DGCR2: variants seen among roughly 807,000 people sequenced by gnomAD.
DGCR2 encodes integral membrane protein DGCR2/IDD.
DGCR2 carries 24 observed loss-of-function variants against 51.6 expected under a neutral mutation model. The observed-to-expected ratio is 0.47, with a 90% CI of 0.34 to 0.65. DGCR2 has a LOEUF of 0.65. Among genes scored for constraint, DGCR2 ranks in the 30% least tolerant of loss-of-function variants. The probability of loss-of-function intolerance (pLI) is 0.01; values close to 1 mark genes in which losing one functional copy is unlikely to be tolerated. For synonymous variants in DGCR2, 340 were observed against 315.4 expected (o/e 1.08, Z -0.82); for missense variants, 765 against 772.1 (o/e 0.99, Z 0.11).
At chr22:19,043,158 A>G (rs1408479278) in intron 7 of DGCR2, among the ~76,000 whole-genome samples, 1 of 152,232 alleles carries the variant, frequency 6.6e-6, no homozygotes, top group Non-Finnish European at 1.5e-5. Flanking sequence ...CACTGAGTCT[A>G]AGCTGCTGCG....
chr22:19,115,487 G>A (rs1239070346), intron 1 of DGCR2, among the ~76,000 whole-genome samples: 1 of 152,186 alleles, frequency 6.6e-6, no homozygotes, highest in East Asian at 1.9e-4. Context: ...TCCTCCCAAG[G>A]CATTTTTGCA....
rs753261437 is a variant in DGCR2, at chr22:19,041,913, G to A, written c.1053C>T (p.Val351=). The change falls in exon 8 of 10, where the codon GTC becomes GTT. Residue 351 remains valine (V), a synonymous_variant. Coordinates refer to ENST00000263196, the MANE Select transcript of DGCR2 (RefSeq NM_005137.3). The part of the protein sequence containing the change: ...FDSMASGMRL[V]VSCISSFLIL... ...TGAGGAAGGAGGAGATGCAGCTGAC[G>A]ACCAGGCGCATCCCGCTGGCCATGG... 3.7e-6 allele frequency: 6 copies of A among 1,613,506 alleles called. No homozygotes were observed. The highest frequency in any genetic ancestry group is 2.7e-5 in the African/African-American group (2 of 74,920).
intron 6 of DGCR2, among the ~76,000 whole-genome samples, chr22:19,051,188 CAAAAAAAAA>C (rs61277487): frequency 7.3e-5 from 4 of 54,850 alleles, no homozygotes; most frequent in African/African-American, 1.1e-4. Context: ...AATTCTGTCA[CAAAAAAAAA>C]AAAAAAAAAA....
At chr22:19,100,732 C>T (rs1041731179) in intron 1 of DGCR2, among the ~76,000 whole-genome samples, 3 of 151,294 alleles carry the variant, frequency 2.0e-5, no homozygotes, top group African/African-American at 7.3e-5. Context: ...CCTTAATACA[C>T]TTAAAATTAT....
chr22:19,109,992 C>CT lies in DGCR2; in HGVS notation c.79+12135dup, dbSNP rs147998075. ...CAGTTCTGCCCAGTTCCTCCCTTGTCTAACAGAGTGGGTCCAAACTTTAGT... is the reference window on the plus strand; with the variant it reads ...CAGTTCTGCCCAGTTCCTCCCTTGTCTTAACAGAGTGGGTCCAAACTTTAGT... On this transcript the variant is annotated intron_variant, in intron 1 of 9. Coordinates refer to ENST00000263196, the MANE Select transcript of DGCR2 (RefSeq NM_005137.3). 1.2e-3 allele frequency among the ~76,000 whole-genome samples: 189 copies of CT among 152,366 alleles called. 1 individual carries two copies. Among genetic ancestry groups the CT allele is most frequent in the African/African-American group, 4.5e-3 (187 of 41,588 alleles).
chr22:19,079,173 A>G (rs1399125259), intron 2 of DGCR2, among the ~76,000 whole-genome samples: 6 of 152,228 alleles, frequency 3.9e-5, no homozygotes, highest in African/African-American at 1.4e-4. Context: ...TTGAACTCCC[A>G]AAGCACTGAG....
chr22:19,041,377 G>T, intron 8 of DGCR2, 83 bp from the exon 9 acceptor site: 1 of 1,407,848 alleles, frequency 7.1e-7, no homozygotes. Flanking sequence ...CCACCCCCAG[G>T]CTGGGCCTGC....
intron 2 of DGCR2, among the ~76,000 whole-genome samples, chr22:19,072,898 T>TA (rs1226272780): frequency 1.3e-5 from 2 of 151,734 alleles, no homozygotes; most frequent in Non-Finnish European, 2.9e-5. Flanking sequence ...AAATTTTTTT[T>TA]TAAAAAAAAG....
At chr22:19,069,597 C>T (rs1229418909) in intron 2 of DGCR2, among the ~76,000 whole-genome samples, 1 of 152,186 alleles carries the variant, frequency 6.6e-6, no homozygotes, top group Non-Finnish European at 1.5e-5. Context: ...AGACTATAAA[C>T]AGCTTTCTAT....
chr22:19,062,538 A>T (rs2082676153), intron 5 of DGCR2, among the ~76,000 whole-genome samples: 2 of 152,176 alleles, frequency 1.3e-5, no homozygotes, highest in South Asian at 2.1e-4. Context: ...CACAAAGTAC[A>T]GCCCAACAGA....
chr22:19,037,872 GAT>G lies in DGCR2; in HGVS notation c.*991_*992del, dbSNP rs2082388126. ...GGCACTGAGCTGCAGTAGTGGCGGT[GAT>G]GTAAGGAGTGGACTTTAAGGAGATA... On this transcript the variant is annotated 3_prime_UTR_variant, in exon 10 of 10. Coordinates refer to ENST00000263196, the MANE Select transcript of DGCR2 (RefSeq NM_005137.3). 6.6e-6 allele frequency: 1 copy of G among 152,668 alleles called. No homozygotes were observed. Among genetic ancestry groups the G allele is most frequent in the African/African-American group, 2.4e-5 (1 of 41,456 alleles). The allele number at this position is 152,668 out of a possible 1,614,324, so 9.5% of individuals were successfully genotyped here.
chr22:19,086,403 C>T (rs759204770), intron 2 of DGCR2, among the ~76,000 whole-genome samples: 3 of 152,002 alleles, frequency 2.0e-5, no homozygotes, highest in Admixed American at 6.5e-5. Flanking sequence ...GGCATGAACC[C>T]GGGAGGCAGA....
chr22:19,037,696 C>T lies in DGCR2; in HGVS notation c.*1169G>A, dbSNP rs1368767934. The T allele has an allele frequency of 6.6e-6, 1 of 152,298 alleles. No individual in the cohort carries two copies. The highest frequency in any genetic ancestry group is 1.5e-5 in the Non-Finnish European group (1 of 68,044). 9.4% of individuals were successfully genotyped at this position (152,298 alleles called of 1,614,324 possible). On this transcript the variant is annotated 3_prime_UTR_variant, in exon 10 of 10. Transcript: ENST00000263196. ...AATCGCACAGAACCCGCTTAATCTCCAAACCTCAGAAATGTTAAAGGCCCT... is the reference window on the plus strand; with the variant it reads ...AATCGCACAGAACCCGCTTAATCTCTAAACCTCAGAAATGTTAAAGGCCCT...
chr22:19,096,736 G>T (rs1455614005), intron 1 of DGCR2, among the ~76,000 whole-genome samples: 1 of 151,906 alleles, frequency 6.6e-6, no homozygotes, highest in East Asian at 1.9e-4. Context: ...TAGAGATGGG[G>T]TCTTACTATG....
At chr22:19,096,632 GGAAAA>G (rs1414605491) in intron 1 of DGCR2, among the ~76,000 whole-genome samples, 1 of 151,510 alleles carries the variant, frequency 6.6e-6, no homozygotes, top group Non-Finnish European at 1.5e-5. Context: ...GCAGGAAAAA[GGAAAA>G]AAAAAGCCTT....
Position 19,063,253 on chromosome 22 carries a change from T to A in DGCR2, c.574A>T (p.Ile192Phe), listed in dbSNP as rs754002935. The A allele has an allele frequency of 3.7e-6, 6 of 1,614,040 alleles. No individual in the cohort carries two copies. The South Asian group carries it at 5.5e-5, about 15-fold the overall frequency. Reference protein sequence around the residue: ...RKLWVGYQYVITGRNRSLEGR... With the variant: ...RKLWVGYQYVFTGRNRSLEGR... ...TCCAAGGAGCGGTTCCGGCCAGTGA[T>A]AACATACTGATAGCCAACCCACAAC... Residue 192 changes from isoleucine to phenylalanine, a missense_variant, in exon 5 of 10, where the codon ATC becomes TTC. Physicochemically the swap from Ile to Phe is conservative, Grantham distance 21. Transcript: ENST00000263196.
Position 19,069,423 on chromosome 22 carries a change from GAAATGCTTGAA to G in DGCR2, c.203-1209_203-1199del, listed in dbSNP as rs2082788695. Among the ~76,000 whole-genome samples the G allele has an allele frequency of 2.0e-5, 3 of 152,148 alleles. No homozygotes were observed. The South Asian group carries it at 6.2e-4, about 32-fold the overall frequency. On this transcript the variant is annotated intron_variant, in intron 2 of 9. Transcript: ENST00000263196. The stretch of plus-strand genomic sequence containing the variant: ...TGATAAAGTAACAAACATTCAATGT[GAAATGCTTGAA>G]AAATACAAAAGTTTGAAAAGACAAT...
At chr22:19,090,909 A>G (rs762069812) in intron 1 of DGCR2, among the ~76,000 whole-genome samples, 1 of 152,248 alleles carries the variant, frequency 6.6e-6, no homozygotes, top group South Asian at 2.1e-4. Context: ...AGAACGATCT[A>G]AACACTCCAA....
At chr22:19,060,093 A>G (rs2082644545) in intron 5 of DGCR2, among the ~76,000 whole-genome samples, 1 of 152,132 alleles carries the variant, frequency 6.6e-6, no homozygotes, top group African/African-American at 2.4e-5. Flanking sequence ...CCCCTCCAAG[A>G]ACTGTGGCCT....
Sources: allele counts gnomAD v4.1 joint callset (sites outside exome capture counted in the v4.1 genomes callset), GRCh38; gene constraint gnomAD v4.1.1; transcripts MANE v1.5; gene names NCBI Gene and HGNC (gene_info 2026-07-23, HGNC 2026-07-21).